Variants in EYA4 observed in about 807,000 individuals in gnomAD.
EYA4 encodes EYA transcriptional coactivator and phosphatase 4.
A neutral mutation model predicts 87.9 loss-of-function variants in EYA4; 31 were observed. That is an observed-to-expected ratio of 0.35 (90% CI 0.27 to 0.48). The LOEUF (loss-of-function observed/expected upper bound fraction) is 0.48. Ranked by LOEUF, EYA4 falls within the 20% of genes least tolerant of loss-of-function variation. The pLI is 0.99. For synonymous variants in EYA4, 263 were observed against 270.6 expected, an observed-to-expected ratio of 0.97 and a Z score of 0.28; for missense variants, 678 against 761.4, an observed-to-expected ratio of 0.89 and a Z score of 1.29.
chr6:133,381,682 T>A (rs1786237545), intron 2 of EYA4, among the ~76,000 whole-genome samples: 2 of 152,294 alleles, frequency 1.3e-5, no homozygotes, highest in East Asian at 1.9e-4. Context: ...TTTAAGACCA[T>A]AATAATCAGA....
intron 9 of EYA4, among the ~76,000 whole-genome samples, chr6:133,463,612 C>T (rs1052540617): frequency 3.9e-5 from 6 of 152,072 alleles, no homozygotes; most frequent in East Asian, 1.9e-4. Flanking sequence ...CCGCCCGCCA[C>T]GGCCTCCCAA....
In EYA4 at chr6:133,470,495, C is replaced by T. The variant is rs1583374493; in HGVS notation, c.970+1764C>T. Among the ~76,000 whole-genome samples, 2 of 43,420 alleles carry T rather than the reference C, an allele frequency of 4.6e-5. 1 individual carries two copies. The highest frequency in any genetic ancestry group is 1.1e-3 in the South Asian group (2 of 1,838). 28.5% of individuals were successfully genotyped at this position (43,420 alleles called of 152,430 possible). On this transcript the variant is annotated intron_variant, in intron 11 of 19. Transcript: ENST00000355286. Reference sequence around the variant, plus strand: ...ACCATGCTGTTTTGGTTACTGTAGCCTTGTAGTATAGTTTGAAGTCAGGTA... The same window carrying T: ...ACCATGCTGTTTTGGTTACTGTAGCTTTGTAGTATAGTTTGAAGTCAGGTA...
intron 5 of EYA4, among the ~76,000 whole-genome samples, chr6:133,454,219 C>T (rs9399065): frequency 0.18 from 27,351 of 152,092 alleles, 2,743 homozygotes; most frequent in East Asian, 0.32. Context: ...TATAGATATG[C>T]ATAAATAGGA....
rs56261819 is a variant in EYA4 at position 133,439,049 on chromosome 6, C to CAAAAAAAAAAA, written c.84-7564_84-7554dup. On this transcript the variant is annotated intron_variant, in intron 3 of 19. Transcript: ENST00000355286. ...TGGGTGACAAAGCGAGACTCCGTCT[C>CAAAAAAAAAAA]AAAAAAAAAAAAAAAAAAAAAAAAA... is the stretch of plus-strand genomic sequence containing the variant. 2.5e-4 allele frequency among the ~76,000 whole-genome samples: 16 copies of CAAAAAAAAAAA among 64,030 alleles called. 2 individuals are homozygous for CAAAAAAAAAAA. The highest frequency in any genetic ancestry group is 4.6e-4 in the African/African-American group (7 of 15,134). 42.0% of individuals were successfully genotyped at this position (64,030 alleles called of 152,430 possible).
At chr6:133,324,795 C>G (rs1781362793) in intron 2 of EYA4, among the ~76,000 whole-genome samples, 1 of 151,264 alleles carries the variant, frequency 6.6e-6, no homozygotes, top group Admixed American at 6.6e-5. Context: ...TAAAAGAAAG[C>G]TTTTCATTGG....
At chr6:133,343,509 G>A (rs1782954051) in intron 2 of EYA4, among the ~76,000 whole-genome samples, 1 of 151,438 alleles carries the variant, frequency 6.6e-6, no homozygotes, top group African/African-American at 2.4e-5. Context: ...GAGTTCCCTA[G>A]CAGATAGCCT....
intron 2 of EYA4, among the ~76,000 whole-genome samples, chr6:133,333,431 A>G (rs565215129): frequency 6.6e-6 from 1 of 152,304 alleles, no homozygotes; most frequent in South Asian, 2.1e-4. Flanking sequence ...TGAGAAAGGA[A>G]ATTGAAATAG....
intron 11 of EYA4, among the ~76,000 whole-genome samples, chr6:133,469,029 C>G (rs1326542548): frequency 6.6e-6 from 1 of 152,030 alleles, no homozygotes; most frequent in African/African-American, 2.4e-5. Context: ...GTAATATTAT[C>G]TTCCTTATGA....
intron 3 of EYA4, among the ~76,000 whole-genome samples, chr6:133,408,221 A>T (rs995927831): frequency 2.0e-5 from 3 of 152,126 alleles, no homozygotes; most frequent in African/African-American, 7.2e-5. Flanking sequence ...TTTGTTGGGG[A>T]ATACCTGGCT....
intron 3 of EYA4, among the ~76,000 whole-genome samples, chr6:133,421,051 T>G (rs1452802994): frequency 6.6e-6 from 1 of 152,198 alleles, no homozygotes; most frequent in Admixed American, 6.5e-5. Context: ...TTTAAAGAAT[T>G]ATTCTTCCCC....
At chr6:133,498,262 G>C (rs1381906941) in intron 13 of EYA4, among the ~76,000 whole-genome samples, 1 of 152,166 alleles carries the variant, frequency 6.6e-6, no homozygotes, top group Non-Finnish European at 1.5e-5. Context: ...GCTTTGGAGG[G>C]AGAATGACCC....
chr6:133,261,269 C>T (rs1016471014), intron 1 of EYA4, among the ~76,000 whole-genome samples: 1 of 152,116 alleles, frequency 6.6e-6, no homozygotes, highest in Non-Finnish European at 1.5e-5. Context: ...ATCACATGTG[C>T]CATTCTTTGT....
At position 133,468,823 on chromosome 6, in the gene EYA4, G is replaced by A. The variant is rs17062582; in HGVS notation, c.970+92G>A. ...GGACATTCCAAAAACATGGCGGAAA[G>A]CTCCCAGATAATTGTGCTGATGTTT... On this transcript the variant is annotated intron_variant, in intron 11 of 19. Transcript: ENST00000355286. 0.032 allele frequency: 41,227 copies of A among 1,284,440 alleles called. 2,188 individuals are homozygous for A. Among genetic ancestry groups the A allele is most frequent in the East Asian group, 0.2 (8,632 of 43,186 alleles). The allele number at this position is 1,284,440 out of a possible 1,614,324, so 79.6% of individuals were successfully genotyped here. A position where few individuals can be genotyped will look rare whatever the true frequency, so the allele number is the denominator to read the frequency against.
chr6:133,421,917 TG>T (rs1316570531), intron 3 of EYA4, among the ~76,000 whole-genome samples: 1 of 152,226 alleles, frequency 6.6e-6, no homozygotes, highest in Admixed American at 6.5e-5. Flanking sequence ...TCCATTATAA[TG>T]GGGTTTTGAA....
intron 2 of EYA4, among the ~76,000 whole-genome samples, chr6:133,316,740 C>T (rs903589411): frequency 5.9e-5 from 9 of 152,154 alleles, no homozygotes; most frequent in African/African-American, 2.2e-4. Context: ...TCTGAAAACA[C>T]GATTTTGATG....
At chr6:133,310,129 G>A (rs564646076) in intron 2 of EYA4, among the ~76,000 whole-genome samples, 16 of 152,268 alleles carry the variant, frequency 1.1e-4, no homozygotes, top group Admixed American at 9.8e-4. Context: ...GCAATTTAAC[G>A]TGAAAGCACT....
At chr6:133,394,928 G>A (rs1787656739) in intron 3 of EYA4, among the ~76,000 whole-genome samples, 1 of 152,320 alleles carries the variant, frequency 6.6e-6, no homozygotes, top group East Asian at 1.9e-4. Context: ...ACTGTGTGAT[G>A]ATTCTCACTA....
At chr6:133,527,509 CAT>C (rs1485687443) in intron 19 of EYA4, among the ~76,000 whole-genome samples, 2 of 152,146 alleles carry the variant, frequency 1.3e-5, no homozygotes, top group African/African-American at 4.8e-5. Flanking sequence ...ATTTTAATAA[CAT>C]GTCAACCCAG....
chr6:133,504,648 A>G (rs778516367), intron 13 of EYA4, among the ~76,000 whole-genome samples: 8 of 152,286 alleles, frequency 5.3e-5, no homozygotes, highest in Middle Eastern at 3.4e-3. Context: ...CATCTCAAAT[A>G]TGTTTACACT....
Sources: allele counts gnomAD v4.1 joint callset (sites outside exome capture counted in the v4.1 genomes callset), GRCh38; gene constraint gnomAD v4.1.1; transcripts MANE v1.5; gene names NCBI Gene and HGNC (gene_info 2026-07-23, HGNC 2026-07-21).